The following KIAA1671 variants were observed in gnomAD, a reference collection of about 807,000 sequenced individuals.
KIAA1671 encodes KIAA1671, also known as uncharacterized protein KIAA1671.
Under a neutral mutation model 131.2 loss-of-function variants are expected in KIAA1671, and 52 were observed. The ratio of observed to expected loss-of-function variants is 0.40; its 90% CI spans 0.32 to 0.50. The LOEUF is 0.50. KIAA1671 is among the 20% of genes least tolerant of loss of function. The pLI is 0.73. For synonymous variants in KIAA1671, 1,003 were observed against 961.6 expected (o/e 1.04, Z -0.80); for missense variants, 2,360 against 2,364.2 (o/e 1.00, Z 0.04).
At chr22:24,953,888 T>C (rs1426265146) in intron 1 of KIAA1671, among the ~76,000 whole-genome samples, 1 of 152,148 alleles carries the variant, frequency 6.6e-6, no homozygotes, top group African/African-American at 2.4e-5. Context: ...GAAAAACACT[T>C]TCTTTGCACC....
intron 1 of KIAA1671, among the ~76,000 whole-genome samples, chr22:24,959,902 C>T (rs2037526664): frequency 6.6e-6 from 1 of 151,822 alleles, no homozygotes; most frequent in African/African-American, 2.4e-5. Context: ...CTTTGGGACC[C>T]CGAGGGAGGT....
intron 10 of KIAA1671, among the ~76,000 whole-genome samples, chr22:25,183,799 G>A (rs933828187): frequency 3.6e-4 from 55 of 150,894 alleles, no homozygotes; most frequent in Middle Eastern, 3.6e-3. Flanking sequence ...TGGGATTACA[G>A]GCGTGAGCCA....
intron 1 of KIAA1671, among the ~76,000 whole-genome samples, chr22:24,962,852 C>G (rs1766512320): frequency 6.6e-6 from 1 of 152,098 alleles, no homozygotes; most frequent in African/African-American, 2.4e-5. Flanking sequence ...ACGGGTCAGT[C>G]CAGAGCAGGC....
At chr22:25,153,896 C>T (rs1933134232) in intron 6 of KIAA1671, among the ~76,000 whole-genome samples, 1 of 152,234 alleles carries the variant, frequency 6.6e-6, no homozygotes, top group South Asian at 2.1e-4. Context: ...TCTGCCTCAC[C>T]CCAAGGCGCC....
At chr22:24,967,827 C>T (rs1922379833) in intron 1 of KIAA1671, among the ~76,000 whole-genome samples, 1 of 152,132 alleles carries the variant, frequency 6.6e-6, no homozygotes, top group African/African-American at 2.4e-5. Flanking sequence ...CCTGTCTCTA[C>T]TAAAAAATAC....
Position 25,039,361 on chromosome 22 carries a change from A to C in KIAA1671, c.2231A>C (p.His744Pro), listed in dbSNP as rs368039262. 6.4e-7 allele frequency: 1 copy of C among 1,551,906 alleles called. No homozygotes were observed. The highest frequency in any genetic ancestry group is 8.7e-7 in the Non-Finnish European group (1 of 1,147,038). The change falls in exon 5 of 13, where the codon CAC (histidine) becomes CCC (proline). Residue 744 changes from histidine (H) to proline (P), a missense_variant. By Grantham distance (77) the His-to-Pro change is moderately conservative. Coordinates refer to ENST00000358431, the MANE Select transcript of KIAA1671 (RefSeq NM_001145206.2). ...GTGCATGCAGTGGGAGAGCGTGTGC[A>C]CAGCGAGGCCATCTCACCGGCACCG... is the stretch of plus-strand genomic sequence containing the variant. ...DIVHAVGERV[H>P]SEAISPAPEE...
At position 25,196,941 on chromosome 22, in the gene KIAA1671, T is replaced by C. The variant is rs927743478; in HGVS notation, c.*4540T>C. 6.6e-6 allele frequency: 1 copy of C among 151,890 alleles called. No homozygotes were observed. The highest frequency in any genetic ancestry group is 1.5e-5 in the Non-Finnish European group (1 of 68,040). The allele number at this position is 151,890 out of a possible 1,614,324, so 9.4% of individuals were successfully genotyped here. On this transcript the variant is annotated 3_prime_UTR_variant, in exon 13 of 13. Coordinates refer to ENST00000358431, the MANE Select transcript of KIAA1671 (RefSeq NM_001145206.2). ...TAAGATGGGGCAGGGCGTGGAAATA[T>C]ATATATATACACACACACACAGAGA... is the stretch of plus-strand genomic sequence containing the variant.
At chr22:24,970,680 T>G (rs1346434091) in intron 1 of KIAA1671, among the ~76,000 whole-genome samples, 1 of 151,310 alleles carries the variant, frequency 6.6e-6, no homozygotes, top group African/African-American at 2.4e-5. Flanking sequence ...GAAGAAAAAT[T>G]GTCTTGGGCC....
At chr22:24,982,361 A>T (rs1923280116) in intron 1 of KIAA1671, among the ~76,000 whole-genome samples, 2 of 152,234 alleles carry the variant, frequency 1.3e-5, no homozygotes, top group African/African-American at 4.8e-5. Flanking sequence ...AAAAAGCGTG[A>T]TTAGCAAGTG....
At chr22:25,164,980 T>TGTGG (rs1933594777) in intron 6 of KIAA1671, among the ~76,000 whole-genome samples, 1 of 66,044 alleles carries the variant, frequency 1.5e-5, no homozygotes, top group Non-Finnish European at 2.8e-5. Context: ...GTTGCAGGCG[T>TGTGG]GTGTGTGTGT....
chr22:25,014,420 T>TC (rs1400009806), intron 1 of KIAA1671: 18 of 152,160 alleles, frequency 1.2e-4, no homozygotes, highest in Non-Finnish European at 2.4e-4. Context: ...TTTTTTTGTT[T>TC]TTTTTTGAGA....
intron 11 of KIAA1671, chr22:25,185,654 G>A (rs989587231): frequency 3.2e-5 from 4 of 126,876 alleles, no homozygotes; most frequent in African/African-American, 1.3e-4. Context: ...TCTCAGAGGG[G>A]TGTTTCAGCA....
At chr22:25,150,103 A>G (rs1473403276) in intron 6 of KIAA1671, among the ~76,000 whole-genome samples, 2 of 152,240 alleles carry the variant, frequency 1.3e-5, no homozygotes, top group Admixed American at 1.3e-4. Context: ...TCTGTCATAC[A>G]GTAGGTGCTG....
intron 1 of KIAA1671, among the ~76,000 whole-genome samples, chr22:24,962,844 G>A (rs1310674927): frequency 2.6e-5 from 4 of 152,148 alleles, no homozygotes; most frequent in Admixed American, 2.0e-4. Flanking sequence ...TAGCTGATAC[G>A]GGTCAGTCCA....
At chr22:25,127,148 GAATCATAATACTCTTCAT>G (rs1402127112) in intron 6 of KIAA1671, among the ~76,000 whole-genome samples, 3 of 152,178 alleles carry the variant, frequency 2.0e-5, no homozygotes, top group South Asian at 4.1e-4. Context: ...TGTTAAAAGG[GAATCATAATACTCTTCAT>G]GGTGGTGAGA....
At chr22:25,181,611 A>G (rs943613073) in intron 9 of KIAA1671, 88 bp from the exon 10 acceptor site, 1 of 1,488,598 alleles carries the variant, frequency 6.7e-7, no homozygotes, top group South Asian at 1.2e-5. Flanking sequence ...TGAGCATTGC[A>G]TGAGATACTG....
intron 5 of KIAA1671, 97 bp from the exon 6 acceptor site, chr22:25,049,133 C>A: frequency 7.2e-7 from 1 of 1,396,736 alleles, no homozygotes; most frequent in Non-Finnish European, 9.6e-7. Flanking sequence ...TTCTTCTTTG[C>A]CCTTTTTGGT....
intron 1 of KIAA1671, among the ~76,000 whole-genome samples, chr22:24,987,996 C>T (rs980246034): frequency 3.3e-5 from 5 of 151,398 alleles, no homozygotes; most frequent in African/African-American, 4.9e-5. Flanking sequence ...CCTGCCTGGG[C>T]GGGGCACGGT....
At position 25,049,344 on chromosome 22, in the gene KIAA1671, A is replaced by G; in HGVS notation, c.4510A>G (p.Arg1504Gly). ...GAGAAGCCACAGCTTCTGCAAAGAC[A>G]GGAGGAGTGGGCCCTTTGTGGTGAG... ...PWRSHSFCKDRRSGPFVDQLK... is the reference protein window; with the variant it reads ...PWRSHSFCKDGRSGPFVDQLK... Residue 1504 changes from arginine to glycine, a missense_variant, in exon 6 of 13, where the codon AGG (arginine) becomes GGG (glycine). By Grantham distance (125) the Arg-to-Gly change is moderately radical. Around this residue, in one of 3 missense-constraint regions of KIAA1671, gnomAD observed 1,161 missense variants for 1,204.7 expected, o/e 0.96. Coordinates refer to ENST00000358431, the MANE Select transcript of KIAA1671 (RefSeq NM_001145206.2). 1 of 1,551,246 alleles carries G rather than the reference A, an allele frequency of 6.4e-7. No individual in the cohort carries two copies. The highest frequency in any genetic ancestry group is 8.7e-7 in the Non-Finnish European group (1 of 1,146,568).
Sources: allele counts gnomAD v4.1 joint callset (sites outside exome capture counted in the v4.1 genomes callset), GRCh38; gene constraint gnomAD v4.1.1; regional missense constraint gnomAD v4.1.1; transcripts MANE v1.5; gene names NCBI Gene and HGNC (gene_info 2026-07-23, HGNC 2026-07-21).